Variants in RAD18 observed in about 807,000 individuals in gnomAD.
RAD18 encodes the protein E3 ubiquitin-protein ligase RAD18.
In RAD18, 47 loss-of-function variants were observed where a neutral mutation model predicts 60.4. The ratio of observed to expected loss-of-function variants is 0.78; its 90% CI spans 0.62 to 0.99. The LOEUF is 0.99. Among genes scored for constraint, RAD18 ranks in the 50% least tolerant of loss-of-function variants. The pLI is 0.00. For missense variants in RAD18, 640 were observed against 593.3 expected, an observed-to-expected ratio of 1.08 and a Z score of -0.82; for synonymous variants, 225 against 195.5, an observed-to-expected ratio of 1.15 and a Z score of -1.26.
At chr3:8,925,670 T>C (rs1397482651) in intron 7 of RAD18, among the ~76,000 whole-genome samples, 3 of 152,046 alleles carry the variant, frequency 2.0e-5, no homozygotes, top group African/African-American at 4.8e-5. Flanking sequence ...CAATAAAATA[T>C]TGGCAAACCG....
At chr3:8,893,254 C>T (rs1939723958) in intron 11 of RAD18, among the ~76,000 whole-genome samples, 1 of 152,134 alleles carries the variant, frequency 6.6e-6, no homozygotes. Context: ...ACGCAAACAT[C>T]TGCTATAAAA....
intron 7 of RAD18, among the ~76,000 whole-genome samples, chr3:8,926,948 T>C (rs1009637986): frequency 2.6e-5 from 4 of 152,106 alleles, no homozygotes; most frequent in Non-Finnish European, 4.4e-5. Context: ...CCTATAACCA[T>C]AAAAACCCTA....
In RAD18 at chr3:8,941,790, T is replaced by A. The variant is rs1222683344; in HGVS notation, c.281A>T (p.Gln94Leu). The stretch of plus-strand genomic sequence containing the variant: ...TTTGGCTGGTGACTCTAAAGCAAAC[T>A]GCAGCAGATGATTCCTTGAAGCACA... ...SLNFARNHLLQFALESPAKSP... is the reference protein window; with the variant it reads ...SLNFARNHLLLFALESPAKSP... The change falls in exon 5 of 13, where the codon CAG becomes CTG. Residue 94 changes from glutamine (Q) to leucine (L), a missense_variant. Transcript: ENST00000264926. The A allele has an allele frequency of 5.0e-6, 8 of 1,610,890 alleles. No homozygotes were observed. The highest frequency in any genetic ancestry group is 6.8e-6 in the Non-Finnish European group (8 of 1,178,120).
At chr3:8,895,168 C>T (rs1939763606) in intron 11 of RAD18, among the ~76,000 whole-genome samples, 1 of 151,218 alleles carries the variant, frequency 6.6e-6, no homozygotes, top group Admixed American at 6.6e-5. Flanking sequence ...AACCATTTAG[C>T]TTTCAGGGTA....
At chr3:8,939,214 C>T (rs341769) in intron 6 of RAD18, among the ~76,000 whole-genome samples, 117,582 of 151,962 alleles carry the variant, frequency 0.77, 45,920 homozygotes, top group South Asian at 0.89. Context: ...CAGAGTCTAA[C>T]CTTGCTTTCT....
At chr3:8,898,222 G>C (rs1939828356) in intron 11 of RAD18, among the ~76,000 whole-genome samples, 1 of 152,114 alleles carries the variant, frequency 6.6e-6, no homozygotes, top group African/African-American at 2.4e-5. Context: ...ACAGAATACT[G>C]TACTCATTAA....
intron 6 of RAD18, 34 bp from the exon 7 acceptor site, chr3:8,936,089 T>C (rs773549748): frequency 7.0e-7 from 1 of 1,419,046 alleles, no homozygotes; most frequent in Non-Finnish European, 9.4e-7. Flanking sequence ...ATGATTATTG[T>C]GAATTATCAA....
At chr3:8,921,255 T>C (rs1178397962) in intron 7 of RAD18, among the ~76,000 whole-genome samples, 1 of 152,218 alleles carries the variant, frequency 6.6e-6, no homozygotes, top group Non-Finnish European at 1.5e-5. Context: ...AACTTTCCTA[T>C]AAACTTCCAA....
At position 8,947,467 on chromosome 3, in the gene RAD18, G is replaced by T. The variant is rs190230845; in HGVS notation, c.196-177C>A. Among the ~76,000 whole-genome samples, 809 of 152,264 alleles carry T rather than the reference G, an allele frequency of 5.3e-3. 2 individuals carry two copies. Among genetic ancestry groups the T allele is most frequent in the Admixed American group, 7.1e-3 (108 of 15,290 alleles). On this transcript the variant is annotated intron_variant, in intron 3 of 12. Transcript: ENST00000264926. The stretch of plus-strand genomic sequence containing the variant: ...TGCTAATATGAAATTTTAAAACAGT[G>T]AATCAGTATCTGCTGACTGGAAGTC...
At chr3:8,943,519 T>A in intron 4 of RAD18, among the ~76,000 whole-genome samples, 1 of 148,672 alleles carries the variant, frequency 6.7e-6, no homozygotes. Context: ...GAGAGAAAAA[T>A]GAATGAAAAA....
At chr3:8,928,236 T>TA (rs1219850343) in intron 7 of RAD18, among the ~76,000 whole-genome samples, 1 of 150,906 alleles carries the variant, frequency 6.6e-6, no homozygotes, top group African/African-American at 2.4e-5. Context: ...AACTAAAAAA[T>TA]ACTCAGTTAA....
At chr3:8,904,710 A>G (rs1939973699) in intron 9 of RAD18, among the ~76,000 whole-genome samples, 1 of 152,158 alleles carries the variant, frequency 6.6e-6, no homozygotes, top group Non-Finnish European at 1.5e-5. Flanking sequence ...TAACACTACC[A>G]TCATCATTAT....
At chr3:8,937,087 T>A (rs974707553) in intron 6 of RAD18, among the ~76,000 whole-genome samples, 1 of 152,216 alleles carries the variant, frequency 6.6e-6, no homozygotes, top group African/African-American at 2.4e-5. Flanking sequence ...CTCAATAGAT[T>A]ATATTTTTCT....
At position 8,924,248 on chromosome 3, in the gene RAD18, C is replaced by T. The variant is rs546098019; in HGVS notation, c.890-10528G>A. 4.6e-5 allele frequency among the ~76,000 whole-genome samples: 7 copies of T among 150,690 alleles called. No homozygotes were observed. The South Asian group carries it at 1.3e-3, about 27-fold the overall frequency. Reference sequence around the variant, plus strand: ...CAAGCAAATGGAAAACAAAAAAAGGCAGGGGTTGCAATCCTAGTCTCTGAT... The same window carrying T: ...CAAGCAAATGGAAAACAAAAAAAGGTAGGGGTTGCAATCCTAGTCTCTGAT... On this transcript the variant is annotated intron_variant, in intron 7 of 12. Coordinates refer to ENST00000264926, the MANE Select transcript of RAD18 (RefSeq NM_020165.4).
intron 9 of RAD18, among the ~76,000 whole-genome samples, chr3:8,910,460 C>CA (rs1393607793): frequency 6.6e-6 from 1 of 152,014 alleles, no homozygotes; most frequent in Non-Finnish European, 1.5e-5. Context: ...ACTAGCCAGG[C>CA]GTGGTGGCAG....
At chr3:8,940,336 T>G (rs1940726632) in intron 5 of RAD18, among the ~76,000 whole-genome samples, 1 of 152,068 alleles carries the variant, frequency 6.6e-6, no homozygotes, top group Admixed American at 6.6e-5. Flanking sequence ...AAAATTTCAT[T>G]TGGGAAAAAA....
rs184416261 is a variant in RAD18, at chr3:8,898,064, T to C, written c.1322+830A>G. Among the ~76,000 whole-genome samples the C allele has an allele frequency of 4.6e-4, 69 of 151,624 alleles. No individual in the cohort carries two copies. In the East Asian group the frequency reaches 0.013, roughly 28 times the overall value. On this transcript the variant is annotated intron_variant, in intron 11 of 12. Coordinates refer to ENST00000264926, the MANE Select transcript of RAD18 (RefSeq NM_020165.4). Reference sequence around the variant, plus strand: ...TCCAGGCTGGGCAACAGAGTGAGACTCCGTCTCAAAAAAATGAAAAAAAAA... The same window carrying C: ...TCCAGGCTGGGCAACAGAGTGAGACCCCGTCTCAAAAAAATGAAAAAAAAA...
chr3:8,961,168 A>G (rs1168927872), intron 1 of RAD18, among the ~76,000 whole-genome samples: 2 of 152,230 alleles, frequency 1.3e-5, no homozygotes, highest in Non-Finnish European at 2.9e-5. Context: ...AGTTGACACT[A>G]CATCAGATGA....
chr3:8,921,767 C>A (rs147256332), intron 7 of RAD18, among the ~76,000 whole-genome samples: 117 of 152,218 alleles, frequency 7.7e-4, no homozygotes, highest in African/African-American at 2.7e-3. Flanking sequence ...CCCAGATCTA[C>A]ACAAAGAAAC....
Sources: allele counts gnomAD v4.1 joint callset (sites outside exome capture counted in the v4.1 genomes callset), GRCh38; gene constraint gnomAD v4.1.1; transcripts MANE v1.5; gene names NCBI Gene and HGNC (gene_info 2026-07-23, HGNC 2026-07-21).